Variants in ARHGEF11 observed in about 807,000 individuals in gnomAD.
The protein encoded by ARHGEF11 is Rho guanine exchange factor (GEF) 11.
A neutral mutation model predicts 193.7 loss-of-function variants in ARHGEF11; 55 were observed. The observed-to-expected ratio is 0.28, with a 90% CI of 0.23 to 0.36. The LOEUF is 0.36. Among genes scored for constraint, ARHGEF11 ranks in the 10% least tolerant of loss-of-function variants. ARHGEF11 has a pLI of 1.00. For missense variants in ARHGEF11, 1,723 were observed against 2,005.6 expected (o/e 0.86, Z 2.69); for synonymous variants, 693 against 768.0 (o/e 0.90, Z 1.62).
chr1:156,939,843 G>C lies in ARHGEF11; in HGVS notation c.3801C>G (p.Ala1267=), dbSNP rs1429610800. ...GTGTCAGGTCGTCCTCGGGCTCCTG[G>C]GCAGCCTGAGTTTCCATGGTGTGAC... ...LPGHTMETQA[A]QEPEDDLTPT... is the part of the protein sequence containing the mutation. Residue 1267 remains alanine (A), a synonymous_variant, in exon 37 of 41, where the codon GCC becomes GCG. Coordinates refer to ENST00000368194, the MANE Select transcript of ARHGEF11 (RefSeq NM_198236.3). 6.2e-7 allele frequency: 1 copy of C among 1,612,310 alleles called. No individual in the cohort carries two copies. Among genetic ancestry groups the C allele is most frequent in the Non-Finnish European group, 8.5e-7 (1 of 1,179,958 alleles).
rs781114210 is a variant in ARHGEF11 at position 156,938,382 on chromosome 1, T to C, written c.4192+36A>G. On this transcript the variant is annotated intron_variant, in intron 38 of 40. Coordinates refer to ENST00000368194, the MANE Select transcript of ARHGEF11 (RefSeq NM_198236.3). ...CCCTCACAGGTTCCACACTCCAGTC[T>C]TGGCCTGTCTTTAGCTCCAAGGAGA... 9 of 1,598,096 alleles carry C rather than the reference T, an allele frequency of 5.6e-6. No individual in the cohort carries two copies. In the South Asian group the frequency reaches 8.9e-5, roughly 16 times the overall value.
At chr1:156,954,151 G>C (rs917178042) in intron 21 of ARHGEF11, among the ~76,000 whole-genome samples, 1 of 151,976 alleles carries the variant, frequency 6.6e-6, no homozygotes, top group Non-Finnish European at 1.5e-5. Context: ...AGGCCAAGGC[G>C]GGCGGATCGC....
intron 1 of ARHGEF11, among the ~76,000 whole-genome samples, chr1:157,006,593 T>C (rs1453089067): frequency 1.3e-5 from 2 of 152,210 alleles, no homozygotes; most frequent in Non-Finnish European, 2.9e-5. Flanking sequence ...GTGTGCCCTC[T>C]GGTGCAGAAG....
chr1:156,995,842 C>G (rs563622297), intron 1 of ARHGEF11, among the ~76,000 whole-genome samples: 1 of 151,938 alleles, frequency 6.6e-6, no homozygotes, highest in Non-Finnish European at 1.5e-5. Flanking sequence ...TGTGCCCGGC[C>G]GGTTTGGGTG....
intron 4 of ARHGEF11, 116 bp downstream of exon 4, chr1:156,980,321 G>A (rs904590132): frequency 4.7e-6 from 6 of 1,272,922 alleles, no homozygotes; most frequent in Non-Finnish European, 6.7e-6. Flanking sequence ...TCCTAACTCA[G>A]TGGCTGCCTG....
In ARHGEF11 at chr1:157,044,444, A is replaced by G. The variant is rs918283375; in HGVS notation, c.-114T>C. ...GAGGAGGGCCTCCCAACTTGAAGAT[A>G]GAATCCTTTCTCCTCCAGCTCTCAG... On this transcript the variant is annotated 5_prime_UTR_variant, in exon 1 of 41. Transcript: ENST00000368194. The G allele has an allele frequency of 5.3e-6, 5 of 951,712 alleles. No individual in the cohort carries two copies. The highest frequency in any genetic ancestry group is 1.6e-5 in the African/African-American group (1 of 61,572). 59.0% of individuals were successfully genotyped at this position (951,712 alleles called of 1,614,324 possible). A position where few individuals can be genotyped will look rare whatever the true frequency, so the allele number is the denominator to read the frequency against.
intron 22 of ARHGEF11, among the ~76,000 whole-genome samples, chr1:156,950,077 A>C (rs941260286): frequency 6.6e-5 from 10 of 152,232 alleles, no homozygotes; most frequent in African/African-American, 2.4e-4. Context: ...TTGATGTCTT[A>C]TAATCTTAAA....
intron 28 of ARHGEF11, 150 bp downstream of exon 28, chr1:156,946,512 G>A: frequency 8.5e-7 from 1 of 1,177,732 alleles, no homozygotes; most frequent in Non-Finnish European, 1.2e-6. Flanking sequence ...TCTTTGTCTA[G>A]AGTGAGTCAG....
At chr1:157,038,182 G>A (rs936336012) in intron 1 of ARHGEF11, among the ~76,000 whole-genome samples, 3 of 152,064 alleles carry the variant, frequency 2.0e-5, no homozygotes, top group Admixed American at 2.0e-4. Flanking sequence ...CACCAGGAGG[G>A]CTGCTAGATT....
At chr1:157,029,360 C>T (rs1671032837) in intron 1 of ARHGEF11, among the ~76,000 whole-genome samples, 1 of 151,984 alleles carries the variant, frequency 6.6e-6, no homozygotes, top group African/African-American at 2.4e-5. Context: ...ACCTCCAGCT[C>T]CTGAGTTCAA....
intron 21 of ARHGEF11, among the ~76,000 whole-genome samples, chr1:156,953,645 G>A (rs1659450082): frequency 6.6e-6 from 1 of 152,112 alleles, no homozygotes; most frequent in Non-Finnish European, 1.5e-5. Flanking sequence ...TGCAGTAACA[G>A]AATAGTTTCC....
At chr1:157,023,263 A>C (rs1224353748) in intron 1 of ARHGEF11, among the ~76,000 whole-genome samples, 1 of 152,234 alleles carries the variant, frequency 6.6e-6, no homozygotes, top group Non-Finnish European at 1.5e-5. Flanking sequence ...AGTATACAGA[A>C]TCTATAAAGA....
chr1:156,942,858 G>T, intron 32 of ARHGEF11, 78 bp from the exon 33 acceptor site: 2 of 1,245,198 alleles, frequency 1.6e-6, no homozygotes, highest in Non-Finnish European at 2.3e-6. Context: ...GGGTGACAGA[G>T]TGGGACTCAA....
intron 1 of ARHGEF11, among the ~76,000 whole-genome samples, chr1:157,030,734 G>C (rs994432214): frequency 1.3e-5 from 2 of 152,022 alleles, no homozygotes; most frequent in African/African-American, 4.8e-5. Flanking sequence ...TGGACCTTAA[G>C]CAAGTTACTA....
chr1:156,942,909 C>CAGAT (rs1208727247), intron 32 of ARHGEF11, 129 bp from the exon 33 acceptor site: 1 of 709,956 alleles, frequency 1.4e-6, no homozygotes, highest in East Asian at 2.6e-5. Context: ...CAGCACGAGA[C>CAGAT]AGATGTGGAT....
chr1:157,028,311 C>CT (rs1479811949), intron 1 of ARHGEF11, among the ~76,000 whole-genome samples: 1 of 152,152 alleles, frequency 6.6e-6, no homozygotes, highest in Non-Finnish European at 1.5e-5. Context: ...TTATTGAATT[C>CT]TTAACTACAT....
chr1:156,937,098 G>A (rs1049753132), intron 39 of ARHGEF11, 93 bp from the exon 40 acceptor site: 2 of 1,566,498 alleles, frequency 1.3e-6, no homozygotes, highest in African/African-American at 1.4e-5. Flanking sequence ...GGAGGAGGGT[G>A]TGATTTAAGG....
rs1200163628 is a variant in ARHGEF11 at position 156,986,112 on chromosome 1, G to A, written c.94C>T (p.Arg32Cys). ...GTCTCAGAGGCATCCGAAGGCTGGCGATGGTGGGAAGGGGACTTGCGCTCT... is the reference window on the plus strand; with the variant it reads ...GTCTCAGAGGCATCCGAAGGCTGGCAATGGTGGGAAGGGGACTTGCGCTCT... ...APERKSPSHH[R>C]QPSDASETTG... Residue 32 changes from arginine (R) to cysteine (C), a missense_variant, in exon 2 of 41, where the codon CGC becomes TGC. Transcript: ENST00000368194. 9 of 1,613,928 alleles carry A rather than the reference G, an allele frequency of 5.6e-6. No homozygotes were observed. Among genetic ancestry groups the A allele is most frequent in the African/African-American group, 4.0e-5 (3 of 74,916 alleles).
At chr1:156,941,734 AGCTGTC>A (rs1656998676) in intron 34 of ARHGEF11, 124 bp downstream of exon 34, 1 of 1,358,266 alleles carries the variant, frequency 7.4e-7, no homozygotes, top group Non-Finnish European at 1.0e-6. Context: ...CAGCACTTGG[AGCTGTC>A]TGCTCCCTGC....
Sources: allele counts gnomAD v4.1 joint callset (sites outside exome capture counted in the v4.1 genomes callset), GRCh38; gene constraint gnomAD v4.1.1; transcripts MANE v1.5; gene names NCBI Gene and HGNC (gene_info 2026-07-23, HGNC 2026-07-21).